ENDOU: variants seen among roughly 807,000 people sequenced by gnomAD.
The protein encoded by ENDOU is endonuclease, poly(U) specific, also known as uridylate-specific endoribonuclease.
Under a neutral mutation model 54.2 loss-of-function variants are expected in ENDOU, and 49 were observed. That is an observed-to-expected ratio of 0.90 (90% CI 0.72 to 1.15). The LOEUF is 1.15. Among genes scored for constraint, ENDOU ranks in the 50% most tolerant of loss-of-function variants. The probability of loss-of-function intolerance (pLI) is 0.00; values close to 1 mark genes in which losing one functional copy is unlikely to be tolerated. For missense variants in ENDOU, 458 were observed against 511.4 expected, an observed-to-expected ratio of 0.90 and a Z score of 1.01; for synonymous variants, 172 against 190.5, an observed-to-expected ratio of 0.90 and a Z score of 0.80.
At position 47,713,398 on chromosome 12, in the gene ENDOU, A is replaced by G; in HGVS notation, c.752-10T>C. 1 of 1,608,112 alleles carries G rather than the reference A, an allele frequency of 6.2e-7. No individual in the cohort carries two copies. The highest frequency in any genetic ancestry group is 1.3e-5 in the African/African-American group (1 of 74,948). ...TCTGAGCCATAGCGATCTGCAGAGGAACACAAAGGGTTTTGGAGAGGGGAG... is the reference window on the plus strand; with the variant it reads ...TCTGAGCCATAGCGATCTGCAGAGGGACACAAAGGGTTTTGGAGAGGGGAG... On this transcript the variant is annotated splice_polypyrimidine_tract_variant and intron_variant, in intron 6 of 9. Transcript: ENST00000422538.
intron 1 of ENDOU, among the ~76,000 whole-genome samples, 177 bp downstream of exon 1, chr12:47,725,182 G>A (rs1388205680): frequency 1.3e-5 from 2 of 152,148 alleles, no homozygotes; most frequent in Non-Finnish European, 2.9e-5. Context: ...AGTCCATTCC[G>A]GGACCAACGC....
At chr12:47,724,282 C>T (rs533724056) in intron 1 of ENDOU, among the ~76,000 whole-genome samples, 25 of 152,338 alleles carry the variant, frequency 1.6e-4, no homozygotes, top group East Asian at 7.7e-4. Context: ...TGCCTCTCCA[C>T]CCACTAGGGC....
chr12:47,716,999 T>C lies in ENDOU; in HGVS notation c.442A>G (p.Ile148Val), dbSNP rs764038099. ...KEEIQSISEK[I>V]YRADTNKAQK... is the part of the protein sequence containing the mutation. ...GCTTTGTTGGTGTCTGCCCTGTAGA[T>C]CTTCTCAGAGATGCTCTGAATCTCC... Residue 148 changes from isoleucine (I) to valine (V), a missense_variant, in exon 5 of 10, where the codon ATC becomes GTC. Coordinates refer to ENST00000422538, the MANE Select transcript of ENDOU (RefSeq NM_001172439.2). 3 of 1,613,978 alleles carry C rather than the reference T, an allele frequency of 1.9e-6. No homozygotes were observed. Among genetic ancestry groups the C allele is most frequent in the Middle Eastern group, 1.6e-4 (1 of 6,080 alleles).
intron 8 of ENDOU, 95 bp downstream of exon 8, chr12:47,712,421 G>A: frequency 1.1e-6 from 1 of 930,894 alleles, no homozygotes; most frequent in Non-Finnish European, 1.7e-6. Flanking sequence ...GCTGCCCCCT[G>A]AGAGTCAGGC....
chr12:47,722,321 C>T (rs918100325), intron 1 of ENDOU, among the ~76,000 whole-genome samples: 2 of 152,204 alleles, frequency 1.3e-5, no homozygotes, highest in African/African-American at 2.4e-5. Context: ...TAGACTCTGG[C>T]GCCAAACTGC....
chr12:47,717,185 T>G lies in ENDOU; in HGVS notation c.383-127A>C, dbSNP rs1940278115. Reference sequence around the variant, plus strand: ...AGCAAGGAGGGAGGGGGGCCACAGTTGGACACCCTAGTGGTGGACAGGGGC... The same window carrying G: ...AGCAAGGAGGGAGGGGGGCCACAGTGGGACACCCTAGTGGTGGACAGGGGC... On this transcript the variant is annotated intron_variant, in intron 4 of 9. Coordinates refer to ENST00000422538, the MANE Select transcript of ENDOU (RefSeq NM_001172439.2). 9.4e-6 allele frequency: 7 copies of G among 743,720 alleles called. No homozygotes were observed. In the South Asian group the frequency reaches 1.1e-4, roughly 12 times the overall value. 46.1% of individuals were successfully genotyped at this position (743,720 alleles called of 1,614,324 possible). A position where few individuals can be genotyped will look rare whatever the true frequency, so the allele number is the denominator to read the frequency against.
intron 6 of ENDOU, 150 bp downstream of exon 6, chr12:47,716,150 G>T: frequency 1.3e-6 from 1 of 764,008 alleles, no homozygotes; most frequent in Non-Finnish European, 2.2e-6. Flanking sequence ...GCTTCCCCCT[G>T]GCCTCATCCC....
At chr12:47,720,968 G>T in intron 1 of ENDOU, 93 bp from the exon 2 acceptor site, 2 of 1,265,924 alleles carry the variant, frequency 1.6e-6, no homozygotes, top group Non-Finnish European at 2.2e-6. Context: ...CAGGGCAGGA[G>T]TGTACCTGGC....
Position 47,717,725 on chromosome 12 carries a change from G to A in ENDOU, c.245-70C>T, listed in dbSNP as rs150788691. ...CGCTCTGAACGCCCCACAGGCTGTC[G>A]CTCCCTAGCCTGGCTGTCTTCACTC... On this transcript the variant is annotated intron_variant, in intron 3 of 9. Transcript: ENST00000422538. 5.2e-4 allele frequency: 788 copies of A among 1,529,070 alleles called. 6 individuals are homozygous for A. The African/African-American group carries it at 8.6e-3, about 17-fold the overall frequency. 94.7% of individuals were successfully genotyped at this position (1,529,070 alleles called of 1,614,324 possible). A position where few individuals can be genotyped will look rare whatever the true frequency, so the allele number is the denominator to read the frequency against.
In ENDOU at chr12:47,712,610, T is replaced by C. The variant is rs1940070333; in HGVS notation, c.878A>G (p.Lys293Arg). 6.2e-7 allele frequency: 1 copy of C among 1,613,664 alleles called. No homozygotes were observed. Among genetic ancestry groups the C allele is most frequent in the Non-Finnish European group, 8.5e-7 (1 of 1,179,632 alleles). Reference sequence around the variant, plus strand: ...GTTATGGAAGCCAGTAACCTTGCCTTTTTTTACCTCACCTATAATAAAGAG... The same window carrying C: ...GTTATGGAAGCCAGTAACCTTGCCTCTTTTTACCTCACCTATAATAAAGAG... ...FEHVFSGEVK[K>R]GKVTGFHNWI... Residue 293 changes from lysine to arginine, a missense_variant, in exon 8 of 10, where the codon AAA becomes AGA. Transcript: ENST00000422538.
chr12:47,716,821 C>A (rs577581889), intron 5 of ENDOU, 69 bp downstream of exon 5: 6 of 1,503,874 alleles, frequency 4.0e-6, no homozygotes, highest in Non-Finnish European at 5.5e-6. Context: ...GATAAAAAGT[C>A]GAGACATCGA....
rs73300701 is a variant in ENDOU at position 47,718,321 on chromosome 12, G to C, written c.179-127C>G. 7,069 of 731,260 alleles carry C rather than the reference G, an allele frequency of 9.7e-3. 350 individuals are homozygous for C. The African/African-American group carries it at 0.11, about 11-fold the overall frequency. 45.3% of individuals were successfully genotyped at this position (731,260 alleles called of 1,614,324 possible). ...CACTGGAAGCAAATTCTGAACAGGGGCTGGGGTCCAATGGACAGGCACCAA... is the reference window on the plus strand; with the variant it reads ...CACTGGAAGCAAATTCTGAACAGGGCCTGGGGTCCAATGGACAGGCACCAA... On this transcript the variant is annotated intron_variant, in intron 2 of 9. Coordinates refer to ENST00000422538, the MANE Select transcript of ENDOU (RefSeq NM_001172439.2).
At chr12:47,712,916 AG>A (rs1413191158) in intron 7 of ENDOU, among the ~76,000 whole-genome samples, 3 of 152,082 alleles carry the variant, frequency 2.0e-5, no homozygotes, top group Admixed American at 6.5e-5. Context: ...GGGGTAGAAT[AG>A]GGGGGAACAG....
intron 4 of ENDOU, 174 bp downstream of exon 4, chr12:47,717,344 T>G: frequency 2.7e-6 from 2 of 740,672 alleles, no homozygotes; most frequent in Non-Finnish European, 4.4e-6. Context: ...TACAGGACAG[T>G]GAGTCCCATC....
chr12:47,709,937 T>C lies in ENDOU; in HGVS notation c.*865A>G, dbSNP rs1270679078. 1 of 152,178 alleles carries C rather than the reference T, an allele frequency of 6.6e-6. No homozygotes were observed. Among genetic ancestry groups the C allele is most frequent in the Non-Finnish European group, 1.5e-5 (1 of 68,020 alleles). 9.4% of individuals were successfully genotyped at this position (152,178 alleles called of 1,614,324 possible). On this transcript the variant is annotated 3_prime_UTR_variant, in exon 10 of 10. Transcript: ENST00000422538. Reference sequence around the variant, plus strand: ...CTGGATAAGGCTTAAAATAATTATGTTAATGACACCAAGCTATGGGTTCCT... The same window carrying C: ...CTGGATAAGGCTTAAAATAATTATGCTAATGACACCAAGCTATGGGTTCCT...
chr12:47,717,451 A>G, intron 4 of ENDOU, 67 bp downstream of exon 4: 2 of 1,551,686 alleles, frequency 1.3e-6, no homozygotes, highest in Admixed American at 3.6e-5. Context: ...TCCAGGGACC[A>G]CATGTTGAGA....
chr12:47,710,384 CA>C lies in ENDOU; in HGVS notation c.*417del, dbSNP rs1939942044. On this transcript the variant is annotated 3_prime_UTR_variant, in exon 10 of 10. Coordinates refer to ENST00000422538, the MANE Select transcript of ENDOU (RefSeq NM_001172439.2). Reference sequence around the variant, plus strand: ...CTAAGAACAACTGAAAACACCTTCACAGTAAAAATATCAGGGTTTGCCCTCT... The same window carrying C: ...CTAAGAACAACTGAAAACACCTTCACGTAAAAATATCAGGGTTTGCCCTCT... The C allele has an allele frequency of 6.5e-6, 1 of 154,946 alleles. No individual in the cohort carries two copies. Among genetic ancestry groups the C allele is most frequent in the African/African-American group, 2.4e-5 (1 of 41,510 alleles). 9.6% of individuals were successfully genotyped at this position (154,946 alleles called of 1,614,324 possible).
In ENDOU at chr12:47,717,610, G is replaced by C. The variant is rs765089461; in HGVS notation, c.290C>G (p.Ala97Gly). The C allele has an allele frequency of 9.3e-6, 15 of 1,614,030 alleles. No individual in the cohort carries two copies. The African/African-American group carries it at 1.3e-4, about 14-fold the overall frequency. ...PTSCQGRCYE[A>G]FDKHHQCHCN... is the part of the protein sequence containing the mutation. ...GTGACATTGGTGGTGCTTGTCAAAG[G>C]CTTCGTAGCAGCGGCCCTGGCAGGA... Residue 97 changes from alanine (A) to glycine (G), a missense_variant, in exon 4 of 10, where the codon GCC (alanine) becomes GGC (glycine). Physicochemically the swap from Ala to Gly is moderately conservative, Grantham distance 60 (BLOSUM62 0). Coordinates refer to ENST00000422538, the MANE Select transcript of ENDOU (RefSeq NM_001172439.2).
chr12:47,713,714 C>T lies in ENDOU; in HGVS notation c.752-326G>A, dbSNP rs549025092. Among the ~76,000 whole-genome samples, 191 of 128,508 alleles carry T rather than the reference C, an allele frequency of 1.5e-3. 4 individuals are homozygous for T. The South Asian group carries it at 0.021, about 14-fold the overall frequency. The allele number at this position is 128,508 out of a possible 152,430, so 84.3% of individuals were successfully genotyped here. A position where few individuals can be genotyped will look rare whatever the true frequency, so the allele number is the denominator to read the frequency against. On this transcript the variant is annotated intron_variant, in intron 6 of 9. Coordinates refer to ENST00000422538, the MANE Select transcript of ENDOU (RefSeq NM_001172439.2). ...TATGAAGCAAAGTAGCCCGTAATGA[C>T]GGGAAAGGGCTGGCACATAAGTTGG...
Sources: allele counts gnomAD v4.1 joint callset (sites outside exome capture counted in the v4.1 genomes callset), GRCh38; gene constraint gnomAD v4.1.1; transcripts MANE v1.5; gene names NCBI Gene and HGNC (gene_info 2026-07-23, HGNC 2026-07-21).